CACNB4: variants seen among roughly 807,000 people sequenced by gnomAD.
The protein encoded by CACNB4 is calcium voltage-gated channel auxiliary subunit beta 4, also known as voltage-dependent L-type calcium channel subunit beta-4.
Under a neutral mutation model 71.2 loss-of-function variants are expected in CACNB4, and 32 were observed. That is an observed-to-expected ratio of 0.45 (90% CI 0.34 to 0.60). The LOEUF is 0.60. Among genes scored for constraint, CACNB4 ranks in the 20% least tolerant of loss-of-function variants. The pLI, the probability that CACNB4 is intolerant of heterozygous loss-of-function variation, is 0.01. For missense variants in CACNB4, 464 were observed against 647.9 expected, an observed-to-expected ratio of 0.72 and a Z score of 3.08; for synonymous variants, 231 against 236.9, an observed-to-expected ratio of 0.97 and a Z score of 0.23.
intron 2 of CACNB4, among the ~76,000 whole-genome samples, chr2:152,078,684 T>C (rs1687173581): frequency 6.6e-6 from 1 of 152,152 alleles, no homozygotes; most frequent in African/African-American, 2.4e-5. Flanking sequence ...TTGAGCTACC[T>C]AGAAAATGGT....
chr2:151,891,959 G>A (rs1276503237), intron 2 of CACNB4, among the ~76,000 whole-genome samples: 2 of 152,094 alleles, frequency 1.3e-5, no homozygotes, highest in Admixed American at 6.5e-5. Flanking sequence ...GGTGGCTCCC[G>A]CTGGCTGATC....
chr2:151,855,643 CGAT>C, intron 10 of CACNB4, among the ~76,000 whole-genome samples: 1 of 152,170 alleles, frequency 6.6e-6, no homozygotes, highest in South Asian at 2.1e-4. Context: ...TATATAACTA[CGAT>C]GATTATTTTA....
chr2:151,961,054 G>A (rs574319828), intron 2 of CACNB4, among the ~76,000 whole-genome samples: 8 of 152,274 alleles, frequency 5.3e-5, no homozygotes, highest in African/African-American at 1.7e-4. Context: ...TCCATGTAAA[G>A]GAAATGCTCC....
intron 5 of CACNB4, among the ~76,000 whole-genome samples, chr2:151,875,683 A>C (rs1375547950): frequency 3.0e-4 from 8 of 27,088 alleles, no homozygotes; most frequent in Admixed American, 4.1e-4. Context: ...TGACCCCCCC[A>C]CCTCCCTCCC....
At chr2:151,857,831 G>A (rs959655040) in intron 10 of CACNB4, 1 of 152,210 alleles carries the variant, frequency 6.6e-6, no homozygotes, top group Non-Finnish European at 1.5e-5. Context: ...CAGCAATGAG[G>A]TTAAGTGTGG....
intron 2 of CACNB4, among the ~76,000 whole-genome samples, chr2:152,034,533 T>C (rs546704132): frequency 6.4e-4 from 97 of 152,216 alleles, no homozygotes; most frequent in Non-Finnish European, 1.2e-3. Context: ...TACCACAAAA[T>C]GGGCAAGCGG....
intron 2 of CACNB4, among the ~76,000 whole-genome samples, chr2:151,915,847 C>CAAAAAA (rs143625402): frequency 2.4e-5 from 2 of 82,018 alleles, no homozygotes; most frequent in Non-Finnish European, 2.5e-5. Flanking sequence ...AGCTCCATCT[C>CAAAAAA]AAAAAAAAAA....
intron 12 of CACNB4, chr2:151,852,659 A>G (rs2099839372): frequency 6.6e-6 from 1 of 152,238 alleles, no homozygotes; most frequent in African/African-American, 2.4e-5. Context: ...CTGTGCTTTT[A>G]CAGGTTATGC....
intron 2 of CACNB4, among the ~76,000 whole-genome samples, chr2:152,027,095 C>T (rs552143243): frequency 6.6e-6 from 1 of 152,064 alleles, no homozygotes; most frequent in Non-Finnish European, 1.5e-5. Flanking sequence ...TTAGTAGAGA[C>T]AGGGTCCACG....
chr2:152,019,649 T>A (rs1683547448), intron 2 of CACNB4, among the ~76,000 whole-genome samples: 1 of 151,768 alleles, frequency 6.6e-6, no homozygotes, highest in African/African-American at 2.4e-5. Context: ...AAAGATGATA[T>A]CTCCCCAAAA....
At chr2:151,942,788 T>A (rs2099864598) in intron 2 of CACNB4, among the ~76,000 whole-genome samples, 1 of 152,186 alleles carries the variant, frequency 6.6e-6, no homozygotes, top group African/African-American at 2.4e-5. Context: ...TGCAGTACTC[T>A]CAGGCTTAAT....
chr2:152,016,877 A>G (rs1440682774), intron 2 of CACNB4, among the ~76,000 whole-genome samples: 2 of 152,256 alleles, frequency 1.3e-5, no homozygotes, highest in Non-Finnish European at 2.9e-5. Flanking sequence ...TTCTATATTA[A>G]TGCAACAGCC....
intron 2 of CACNB4, among the ~76,000 whole-genome samples, chr2:152,063,964 C>A (rs147396792): frequency 1.3e-5 from 2 of 152,318 alleles, no homozygotes; most frequent in African/African-American, 4.8e-5. Context: ...CAAACAAAAC[C>A]TATCTGCCAA....
At chr2:151,999,130 TC>T (rs1682244019) in intron 2 of CACNB4, among the ~76,000 whole-genome samples, 1 of 152,102 alleles carries the variant, frequency 6.6e-6, no homozygotes, top group Non-Finnish European at 1.5e-5. Flanking sequence ...TAATTAATTA[TC>T]CAGACAATCA....
intron 2 of CACNB4, among the ~76,000 whole-genome samples, chr2:151,910,202 T>G (rs879265153): frequency 3.3e-5 from 5 of 152,330 alleles, no homozygotes; most frequent in African/African-American, 4.8e-5. Context: ...TCTGTTCCTA[T>G]CCTTTGCCCA....
intron 3 of CACNB4, among the ~76,000 whole-genome samples, chr2:151,881,150 C>T (rs1312452150): frequency 2.0e-5 from 3 of 152,032 alleles, no homozygotes; most frequent in African/African-American, 4.8e-5. Context: ...TCCAATATTC[C>T]AAATTTTAAA....
chr2:151,942,751 T>C (rs2099864579), intron 2 of CACNB4, among the ~76,000 whole-genome samples: 1 of 152,278 alleles, frequency 6.6e-6, no homozygotes. Context: ...GCGGTTGAGA[T>C]AAGGACTGAG....
intron 2 of CACNB4, among the ~76,000 whole-genome samples, chr2:151,966,902 C>T (rs1457967993): frequency 6.6e-6 from 1 of 152,010 alleles, no homozygotes; most frequent in African/African-American, 2.4e-5. Flanking sequence ...TTCAAAACCA[C>T]CCAAAAAGTA....
chr2:152,067,053 G>A (rs1686374784), intron 2 of CACNB4, among the ~76,000 whole-genome samples: 1 of 149,464 alleles, frequency 6.7e-6, no homozygotes. Flanking sequence ...TAGATGACGA[G>A]TTAGTGGGTG....
Sources: allele counts gnomAD v4.1 joint callset (sites outside exome capture counted in the v4.1 genomes callset), GRCh38; gene constraint gnomAD v4.1.1; transcripts MANE v1.5; gene names NCBI Gene and HGNC (gene_info 2026-07-23, HGNC 2026-07-21).